Variants in SOX6 observed in about 807,000 individuals in gnomAD.
The protein encoded by SOX6 is SRY-box transcription factor 6, also known as transcription factor SOX-6.
Under a neutral mutation model 97.8 loss-of-function variants are expected in SOX6, and 11 were observed. The ratio of observed to expected loss-of-function variants is 0.11; its 90% CI spans 0.07 to 0.19. The LOEUF (loss-of-function observed/expected upper bound fraction) is 0.19, where lower values mean the gene tolerates loss of function less well. SOX6 is among the 10% of genes least tolerant of loss of function. The pLI, the probability that SOX6 is intolerant of heterozygous loss-of-function variation, is 1.00. For missense variants in SOX6, 810 were observed against 1,039.5 expected, an observed-to-expected ratio of 0.78 and a Z score of 3.04; for synonymous variants, 360 against 371.4, an observed-to-expected ratio of 0.97 and a Z score of 0.35.
At chr11:16,527,050 G>A (rs539654615) in intron 4 of SOX6, among the ~76,000 whole-genome samples, 3 of 151,950 alleles carry the variant, frequency 2.0e-5, no homozygotes, top group South Asian at 2.1e-4. Flanking sequence ...AAGCTCCAGC[G>A]GCCAAAAAGG....
At chr11:16,038,707 T>A (rs1456067551) in intron 12 of SOX6, among the ~76,000 whole-genome samples, 1 of 152,128 alleles carries the variant, frequency 6.6e-6, no homozygotes, top group Non-Finnish European at 1.5e-5. Context: ...ATATAGTAAG[T>A]ACTTAATACA....
Position 16,383,548 on chromosome 11 carries a change from CT to C in SOX6, c.-4-42297del, listed in dbSNP as rs201884542. On this transcript the variant is annotated intron_variant, in intron 1 of 15. Transcript: ENST00000396356. ...TTTATCTGTACAATAGTTCAACTTG[CT>C]GGAGTGTTGCAGGAATAAGCCCAAT... is the stretch of plus-strand genomic sequence containing the variant. Among the ~76,000 whole-genome samples, 1,375 of 151,992 alleles carry C rather than the reference CT, an allele frequency of 9.0e-3. 12 individuals carry two copies. Among genetic ancestry groups the C allele is most frequent in the Admixed American group, 0.015 (226 of 15,230 alleles).
intron 3 of SOX6, chr11:16,317,533 T>C (rs555711016): frequency 6.5e-5 from 10 of 154,252 alleles, no homozygotes; most frequent in Admixed American, 6.5e-4. Flanking sequence ...TATTACCTGA[T>C]TAGTAAAACA....
At chr11:16,425,510 G>T (rs191936392) in intron 1 of SOX6, among the ~76,000 whole-genome samples, 17 of 152,262 alleles carry the variant, frequency 1.1e-4, no homozygotes, top group African/African-American at 3.9e-4. Flanking sequence ...CAAATAGGAA[G>T]AGAGGAAGTC....
At chr11:16,675,689 C>A (rs1847879345) in intron 3 of SOX6, among the ~76,000 whole-genome samples, 1 of 152,134 alleles carries the variant, frequency 6.6e-6, no homozygotes, top group African/African-American at 2.4e-5. Context: ...GTCTTAAATT[C>A]TCCTTCATAT....
At chr11:16,516,634 G>A (rs1860979152) in intron 4 of SOX6, among the ~76,000 whole-genome samples, 1 of 151,124 alleles carries the variant, frequency 6.6e-6, no homozygotes, top group South Asian at 2.1e-4. Flanking sequence ...CCAGGAAGAA[G>A]TTGAATCTCT....
At chr11:16,178,971 T>C (rs756576122) in intron 6 of SOX6, among the ~76,000 whole-genome samples, 1 of 151,908 alleles carries the variant, frequency 6.6e-6, no homozygotes, top group Non-Finnish European at 1.5e-5. Flanking sequence ...TACTTAATGA[T>C]GAAACATATC....
intron 13 of SOX6, among the ~76,000 whole-genome samples, chr11:15,999,031 C>T (rs781337330): frequency 6.6e-6 from 1 of 151,624 alleles, no homozygotes; most frequent in Non-Finnish European, 1.5e-5. Context: ...CTGATAAGAA[C>T]TTGCATCTAG....
chr11:16,234,907 CAAT>C (rs1333857921), intron 3 of SOX6, among the ~76,000 whole-genome samples: 9 of 151,910 alleles, frequency 5.9e-5, no homozygotes, highest in Non-Finnish European at 1.2e-4. Flanking sequence ...AGATAATGCT[CAAT>C]AATCTGTTTT....
chr11:16,639,809 G>A (rs1458248771), intron 3 of SOX6, among the ~76,000 whole-genome samples: 1 of 152,122 alleles, frequency 6.6e-6, no homozygotes, highest in Non-Finnish European at 1.5e-5. Context: ...GAGATTTTGG[G>A]CTGAGACGAT....
chr11:16,587,966 C>T (rs1053368670), intron 4 of SOX6, among the ~76,000 whole-genome samples: 3 of 152,222 alleles, frequency 2.0e-5, no homozygotes, highest in Non-Finnish European at 2.9e-5. Context: ...GCTAACACTT[C>T]CTTCCTTTCT....
At chr11:16,178,439 A>C (rs1340796742) in intron 6 of SOX6, among the ~76,000 whole-genome samples, 1 of 152,014 alleles carries the variant, frequency 6.6e-6, no homozygotes, top group African/African-American at 2.4e-5. Flanking sequence ...TCCAAAGATC[A>C]CAACAGCCTG....
At chr11:16,592,665 G>T (rs1848167209) in intron 4 of SOX6, among the ~76,000 whole-genome samples, 1 of 151,902 alleles carries the variant, frequency 6.6e-6, no homozygotes, top group Non-Finnish European at 1.5e-5. Flanking sequence ...AACTATATAA[G>T]CATAGCCTCA....
rs376656488 is a variant in SOX6, at chr11:16,165,897, C to CAAA, written c.777+17986_777+17988dup. Among the ~76,000 whole-genome samples, 134 of 118,474 alleles carry CAAA rather than the reference C, an allele frequency of 1.1e-3. No individual in the cohort carries two copies. The East Asian group carries it at 0.013, about 11-fold the overall frequency. The allele number at this position is 118,474 out of a possible 152,430, so 77.7% of individuals were successfully genotyped here. ...TGGGCAACAGAGCAAGACTCTGTCT[C>CAAA]AAAAAAAAAAAAAAATCCTAAAAGA... On this transcript the variant is annotated intron_variant, in intron 6 of 15. Coordinates refer to ENST00000683767, the MANE Select transcript of SOX6 (RefSeq NM_001367873.1).
chr11:16,158,635 T>TA lies in SOX6; in HGVS notation c.777+25250dup, dbSNP rs200452820. On this transcript the variant is annotated intron_variant, in intron 6 of 15. Transcript: ENST00000683767. Reference sequence around the variant, plus strand: ...TTGTAGGCAAGGCTTCCAGGAGTAATAAAAAAATTCCTCTTATCTGCTTGT... The same window carrying TA: ...TTGTAGGCAAGGCTTCCAGGAGTAATAAAAAAAATTCCTCTTATCTGCTTGT... 5.3e-5 allele frequency among the ~76,000 whole-genome samples: 8 copies of TA among 151,954 alleles called. No individual in the cohort carries two copies. The East Asian group carries it at 7.8e-4, about 15-fold the overall frequency.
chr11:15,982,838 T>G (rs149639772), intron 15 of SOX6, among the ~76,000 whole-genome samples: 7 of 152,158 alleles, frequency 4.6e-5, no homozygotes, highest in Admixed American at 4.6e-4. Context: ...TGTACCTGCA[T>G]AATTCTCTAT....
At chr11:16,362,301 A>C (rs572289764) in intron 1 of SOX6, among the ~76,000 whole-genome samples, 46 of 152,300 alleles carry the variant, frequency 3.0e-4, no homozygotes, top group African/African-American at 1.0e-3. Flanking sequence ...TTTGAAAGGA[A>C]AATAAATAAA....
intron 3 of SOX6, among the ~76,000 whole-genome samples, chr11:16,273,956 A>C (rs1310978819): frequency 1.3e-5 from 2 of 152,144 alleles, no homozygotes; most frequent in Non-Finnish European, 2.9e-5. Flanking sequence ...ATACAAAAAG[A>C]ATGTAAATGT....
At chr11:16,109,544 G>T (rs1277788411) in intron 7 of SOX6, among the ~76,000 whole-genome samples, 1 of 152,020 alleles carries the variant, frequency 6.6e-6, no homozygotes, top group African/African-American at 2.4e-5. Flanking sequence ...TCAGTTTGGG[G>T]CAAAAAGAAG....
Sources: gnomAD v4.1 joint callset for allele counts (sites outside exome capture counted in the v4.1 genomes callset) on GRCh38, gnomAD v4.1.1 for gene constraint, MANE v1.5 for transcripts, NCBI Gene and HGNC (gene_info 2026-07-23, HGNC 2026-07-21) for gene names.